Variants in DMD observed in about 807,000 individuals in gnomAD.
DMD encodes the protein dystrophin.
DMD carries 63 observed loss-of-function variants against 330.1 expected under a neutral mutation model. That is an observed-to-expected ratio of 0.19 (90% CI 0.16 to 0.24). DMD has a LOEUF of 0.24. Ranked by LOEUF, DMD falls within the 10% of genes least tolerant of loss-of-function variation. DMD has a pLI of 1.00. For synonymous variants in DMD, 1,223 were observed against 959.8 expected (o/e 1.27, Z -5.07); for missense variants, 3,344 against 2,684.1 (o/e 1.25, Z -5.43).
rs959038483 is a variant in DMD at position 33,210,414 on chromosome X, T to C, written c.31+868A>G. ...AGTCCTTATCATATATTATTTTTACTGTTGTGCCACAGTCCATTTTTAAAT... is the reference window on the plus strand; with the variant it reads ...AGTCCTTATCATATATTATTTTTACCGTTGTGCCACAGTCCATTTTTAAAT... On this transcript the variant is annotated intron_variant, in intron 1 of 78. Coordinates refer to ENST00000357033, the MANE Select transcript of DMD (RefSeq NM_004006.3). 8.1e-5 allele frequency among the ~76,000 whole-genome samples: 9 copies of C among 111,389 alleles called. No homozygotes were observed. The Middle Eastern group carries it at 0.019, about 230-fold the overall frequency.
At chrX:32,124,376 T>A (rs1255937492) in intron 44 of DMD, among the ~76,000 whole-genome samples, 3 of 112,090 alleles carry the variant, frequency 2.7e-5, no homozygotes, top group East Asian at 5.6e-4. Flanking sequence ...AGCTCTGCTG[T>A]ATTGACTCAT....
rs1386485242 is a variant in DMD, at chrX:32,348,450, G to C, written c.5404C>G (p.Gln1802Glu). The change falls in exon 38 of 79, where the codon CAG (glutamine) becomes GAG (glutamate). Residue 1802 changes from glutamine to glutamate, a missense_variant. Transcript: ENST00000357033. ...TCCTCTTTCAGATTCACCCCCTGCT[G>C]AATTTCAGCCTCCAGTGGTTCAAGC... Reference protein sequence around the residue: ...KLLEPLEAEIQQGVNLKEEDF... With the variant: ...KLLEPLEAEIEQGVNLKEEDF... 8.3e-7 allele frequency: 1 copy of C among 1,207,236 alleles called. No homozygotes were observed. The highest frequency in any genetic ancestry group is 2.2e-5 in the Admixed American group (1 of 45,823).
Position 32,887,586 on chromosome X carries a change from A to G in DMD, c.94-37766T>C, listed in dbSNP as rs189061172. On this transcript the variant is annotated intron_variant, in intron 2 of 78. Coordinates refer to ENST00000357033, the MANE Select transcript of DMD (RefSeq NM_004006.3). ...AACATGGCGAAACCCCGTCTCTACT[A>G]AAAATACAAAAATTAGCCGGTCGTT... Among the ~76,000 whole-genome samples the G allele has an allele frequency of 8.8e-3, 928 of 105,360 alleles. 12 individuals are homozygous for G. Among genetic ancestry groups the G allele is most frequent in the African/African-American group, 0.03 (868 of 28,788 alleles). The allele number at this position is 105,360 out of a possible 115,157, so 91.5% of individuals were successfully genotyped here. A position where few individuals can be genotyped will look rare whatever the true frequency, so the allele number is the denominator to read the frequency against.
intron 7 of DMD, among the ~76,000 whole-genome samples, chrX:32,796,588 T>C (rs1156453715): frequency 9.0e-6 from 1 of 111,500 alleles, no homozygotes; most frequent in Admixed American, 9.6e-5. Flanking sequence ...CATTTCAAAG[T>C]AGATGAGAGA....
intron 26 of DMD, among the ~76,000 whole-genome samples, chrX:32,453,457 G>A (rs1458090062): frequency 1.8e-5 from 2 of 110,664 alleles, no homozygotes; most frequent in African/African-American, 6.5e-5. Flanking sequence ...TTTGACTAAA[G>A]CCGTATGACA....
At chrX:31,971,702 A>G (rs2095401088) in intron 44 of DMD, among the ~76,000 whole-genome samples, 1 of 112,050 alleles carries the variant, frequency 8.9e-6, no homozygotes, top group Admixed American at 9.5e-5. Context: ...TGGGTTTACA[A>G]AATTAAATGT....
At chrX:31,324,272 G>C (rs1286646411) in intron 61 of DMD, among the ~76,000 whole-genome samples, 4 of 111,210 alleles carry the variant, frequency 3.6e-5, no homozygotes, top group African/African-American at 9.8e-5. Flanking sequence ...ACTGATATCA[G>C]AGCGTAATAA....
chrX:31,964,253 G>A (rs748053320), intron 45 of DMD, among the ~76,000 whole-genome samples: 84 of 111,013 alleles, frequency 7.6e-4, no homozygotes, highest in African/African-American at 2.7e-3. Flanking sequence ...TGAGGCTAGC[G>A]TCCTGGACAT....
At chrX:31,487,989 T>C (rs1418916264) in intron 57 of DMD, among the ~76,000 whole-genome samples, 2 of 112,164 alleles carry the variant, frequency 1.8e-5, no homozygotes, top group Admixed American at 9.4e-5. Context: ...TTGAGATTTA[T>C]TTTTCTGGAA....
At chrX:31,331,681 G>A (rs1275165416) in intron 61 of DMD, among the ~76,000 whole-genome samples, 1 of 111,691 alleles carries the variant, frequency 9.0e-6, no homozygotes, top group Non-Finnish European at 1.9e-5. Context: ...ACAGTCTTTG[G>A]GCCATCTGGG....
At chrX:33,110,102 T>G (rs1249953725) in intron 1 of DMD, among the ~76,000 whole-genome samples, 1 of 111,624 alleles carries the variant, frequency 9.0e-6, no homozygotes, top group African/African-American at 3.3e-5. Flanking sequence ...CTCTCACATG[T>G]TACCACTAGA....
intron 74 of DMD, among the ~76,000 whole-genome samples, chrX:31,157,028 T>C (rs2038215398): frequency 8.9e-6 from 1 of 112,018 alleles, no homozygotes; most frequent in South Asian, 3.7e-4. Flanking sequence ...TGAGTTAAGA[T>C]CACTAGGATG....
chrX:32,287,419 T>C, intron 43 of DMD, 110 bp downstream of exon 43: 1 of 728,614 alleles, frequency 1.4e-6, no homozygotes, highest in Non-Finnish European at 2.1e-6. Context: ...ATGAGAGTGA[T>C]ACTTCTTTTT....
chrX:32,495,124 T>G (rs1383815087), intron 19 of DMD, among the ~76,000 whole-genome samples: 1 of 112,263 alleles, frequency 8.9e-6, no homozygotes, highest in East Asian at 2.8e-4. Context: ...GACATAATGT[T>G]GGGCACAGAA....
intron 57 of DMD, among the ~76,000 whole-genome samples, chrX:31,488,404 T>C (rs766390974): frequency 1.8e-5 from 2 of 112,313 alleles, no homozygotes; most frequent in Non-Finnish European, 3.8e-5. Flanking sequence ...GAGCCAAAAT[T>C]TGAGATTGTC....
At chrX:32,801,106 G>C (rs150242483) in intron 7 of DMD, among the ~76,000 whole-genome samples, 2,694 of 111,354 alleles carry the variant, frequency 0.024, 76 homozygotes, top group African/African-American at 0.082. Context: ...TCACCACACT[G>C]TCTTCCACAA....
In DMD at chrX:32,110,994, C is replaced by T. The variant is rs1245978863; in HGVS notation, c.6438+105922G>A. Among the ~76,000 whole-genome samples, 6 of 112,086 alleles carry T rather than the reference C, an allele frequency of 5.4e-5. 1 individual carries two copies. The East Asian group carries it at 1.7e-3, about 31-fold the overall frequency. ...AGAAGTAAATAAAATAGACATTCTACAAACAGTGACCAAATAAATGTCTGG... is the reference window on the plus strand; with the variant it reads ...AGAAGTAAATAAAATAGACATTCTATAAACAGTGACCAAATAAATGTCTGG... On this transcript the variant is annotated intron_variant, in intron 44 of 78. Transcript: ENST00000357033.
At chrX:31,212,138 T>C (rs2044739032) in intron 64 of DMD, among the ~76,000 whole-genome samples, 2 of 98,429 alleles carry the variant, frequency 2.0e-5, no homozygotes, top group Non-Finnish European at 4.0e-5. Flanking sequence ...GAATTTCCAT[T>C]AAATATATTA....
intron 1 of DMD, among the ~76,000 whole-genome samples, chrX:33,323,420 T>A (rs957408016): frequency 5.4e-5 from 6 of 111,628 alleles, no homozygotes; most frequent in South Asian, 3.8e-4. Context: ...TTGGAAGTAG[T>A]CGTAGATATT....
Sources: allele counts gnomAD v4.1 joint callset (sites outside exome capture counted in the v4.1 genomes callset), GRCh38; gene constraint gnomAD v4.1.1; transcripts MANE v1.5; gene names NCBI Gene and HGNC (gene_info 2026-07-23, HGNC 2026-07-21).